KCNJ12: variants seen among roughly 807,000 people sequenced by gnomAD.
KCNJ12 encodes potassium inwardly rectifying channel subfamily J member 12.
A neutral mutation model predicts 22.3 loss-of-function variants in KCNJ12; 2 were observed. The ratio of observed to expected loss-of-function variants is 0.09; its 90% CI spans 0.04 to 0.28. The LOEUF is 0.28. Among genes scored for constraint, KCNJ12 ranks in the 10% least tolerant of loss-of-function variants. KCNJ12 has a pLI of 1.00. For missense variants in KCNJ12, 155 were observed against 633.3 expected (o/e 0.24, Z 8.11); for synonymous variants, 117 against 261.4 (o/e 0.45, Z 5.33).
At chr17:21,383,558 T>C (rs1421614819) in intron 1 of KCNJ12, among the ~76,000 whole-genome samples, 7 of 152,168 alleles carry the variant, frequency 4.6e-5, no homozygotes, top group Non-Finnish European at 1.0e-4. Context: ...TCTGACAGTC[T>C]TGGGTCTTGT....
intron 1 of KCNJ12, among the ~76,000 whole-genome samples, chr17:21,382,250 T>C (rs1904893631): frequency 6.6e-6 from 1 of 152,364 alleles, no homozygotes; most frequent in African/African-American, 2.4e-5. Flanking sequence ...TGATTCCTTC[T>C]GAGGATCACA....
chr17:21,415,672 T>C lies in KCNJ12; in HGVS notation c.330T>C (p.Gly110=). ...TCTGGGTCATCGCGGTGGCACACGG[T>C]GACCTGGAGCCGGCTGAGGGCCGGG... ...IIFWVIAVAH[G]DLEPAEGRGR... is the part of the protein sequence containing the mutation. The change falls in exon 3 of 3, where the codon GGT becomes GGC. Residue 110 remains glycine, a synonymous_variant. Transcript: ENST00000583088. 22 of 1,613,282 alleles carry C rather than the reference T, an allele frequency of 1.4e-5. No homozygotes were observed. Among genetic ancestry groups the C allele is most frequent in the Non-Finnish European group, 1.8e-5 (21 of 1,179,926 alleles).
chr17:21,412,044 G>T (rs1443877771), intron 2 of KCNJ12, among the ~76,000 whole-genome samples: 1 of 150,934 alleles, frequency 6.6e-6, no homozygotes, highest in Non-Finnish European at 1.5e-5. Context: ...ACACACACAC[G>T]CACACACGGC....
At chr17:21,386,627 T>A (rs1321797414) in intron 1 of KCNJ12, among the ~76,000 whole-genome samples, 1 of 152,056 alleles carries the variant, frequency 6.6e-6, no homozygotes, top group Non-Finnish European at 1.5e-5. Context: ...CCTGCCTCAG[T>A]CTCCTGAGTT....
intron 1 of KCNJ12, among the ~76,000 whole-genome samples, chr17:21,407,557 C>G (rs1360569211): frequency 6.6e-6 from 1 of 151,332 alleles, no homozygotes; most frequent in East Asian, 2.0e-4. Flanking sequence ...TCTATCCATC[C>G]ATCCACCCAC....
At chr17:21,386,699 G>C (rs528615816) in intron 1 of KCNJ12, among the ~76,000 whole-genome samples, 1 of 152,054 alleles carries the variant, frequency 6.6e-6, no homozygotes, top group South Asian at 2.1e-4. Flanking sequence ...GTAGAGATGG[G>C]GTTTCACCAT....
intron 1 of KCNJ12, among the ~76,000 whole-genome samples, chr17:21,378,357 C>A (rs552141584): frequency 4.0e-4 from 61 of 152,300 alleles, no homozygotes; most frequent in African/African-American, 1.4e-3. Flanking sequence ...TGAGAAGAGC[C>A]CCTCAGTGTC....
intron 1 of KCNJ12, among the ~76,000 whole-genome samples, chr17:21,393,565 C>T (rs542718191): frequency 1.6e-4 from 25 of 152,226 alleles, no homozygotes; most frequent in Admixed American, 5.9e-4. Flanking sequence ...CCCCCCCGTG[C>T]GGGTTGAGCT....
intron 1 of KCNJ12, among the ~76,000 whole-genome samples, chr17:21,386,973 T>C (rs935021995): frequency 6.6e-6 from 1 of 152,232 alleles, no homozygotes; most frequent in Non-Finnish European, 1.5e-5. Flanking sequence ...CCACTACTCA[T>C]GGCCAACCCA....
chr17:21,387,789 A>T (rs1246033232), intron 1 of KCNJ12, among the ~76,000 whole-genome samples: 1 of 152,154 alleles, frequency 6.6e-6, no homozygotes, highest in African/African-American at 2.4e-5. Flanking sequence ...GCTGTCAGTG[A>T]TGTAATGCTG....
intron 2 of KCNJ12, among the ~76,000 whole-genome samples, chr17:21,412,072 G>T (rs1463098069): frequency 6.6e-6 from 1 of 152,306 alleles, no homozygotes; most frequent in Non-Finnish European, 1.5e-5. Flanking sequence ...GGCTGTGTGA[G>T]GCTGAGGACT....
Position 21,418,799 on chromosome 17 carries a change from T to G in KCNJ12, c.*2155T>G, listed in dbSNP as rs1331680665. ...AGAGCTTGACACTTCGCCTCCCTGA[T>G]GGCCATGCTGAGGGACAGTGGTGAC... On this transcript the variant is annotated 3_prime_UTR_variant, in exon 3 of 3. Coordinates refer to ENST00000583088, the MANE Select transcript of KCNJ12 (RefSeq NM_021012.5). 2 of 167,284 alleles carry G rather than the reference T, an allele frequency of 1.2e-5. No individual in the cohort carries two copies. The highest frequency in any genetic ancestry group is 2.9e-5 in the Non-Finnish European group (2 of 68,394). The allele number at this position is 167,284 out of a possible 1,614,324, so 10.4% of individuals were successfully genotyped here.
chr17:21,412,044 G>A (rs1443877771), intron 2 of KCNJ12, among the ~76,000 whole-genome samples: 8 of 150,924 alleles, frequency 5.3e-5, no homozygotes, highest in African/African-American at 9.9e-5. Context: ...ACACACACAC[G>A]CACACACGGC....
intron 1 of KCNJ12, among the ~76,000 whole-genome samples, chr17:21,385,035 A>C (rs1905030266): frequency 6.6e-6 from 1 of 151,900 alleles, no homozygotes; most frequent in Admixed American, 6.6e-5. Context: ...TCAGCCTCCC[A>C]AAGTGCTGGG....
At chr17:21,396,754 C>T (rs1225067385) in intron 1 of KCNJ12, among the ~76,000 whole-genome samples, 1 of 152,226 alleles carries the variant, frequency 6.6e-6, no homozygotes, top group Non-Finnish European at 1.5e-5. Flanking sequence ...CAGAGCCGGC[C>T]AAGCTGGGCC....
intron 1 of KCNJ12, among the ~76,000 whole-genome samples, chr17:21,396,530 G>A (rs782185074): frequency 3.3e-5 from 5 of 152,204 alleles, no homozygotes; most frequent in Non-Finnish European, 7.3e-5. Context: ...AGACATCCCC[G>A]TGCCTGGCCG....
At chr17:21,397,423 C>T (rs1456488478) in intron 1 of KCNJ12, among the ~76,000 whole-genome samples, 2 of 152,194 alleles carry the variant, frequency 1.3e-5, no homozygotes, top group Admixed American at 1.3e-4. Context: ...GGATCACCGG[C>T]GGTTTCATCC....
At chr17:21,398,776 G>A (rs1162448849) in intron 1 of KCNJ12, among the ~76,000 whole-genome samples, 2 of 152,270 alleles carry the variant, frequency 1.3e-5, no homozygotes, top group African/African-American at 4.8e-5. Flanking sequence ...CATGTGACAT[G>A]TTGCCAGCAA....
rs374462571 is a variant in KCNJ12 at position 21,388,864 on chromosome 17, G to GC, written c.-179+11959dup. Among the ~76,000 whole-genome samples, 248 of 151,892 alleles carry GC rather than the reference G, an allele frequency of 1.6e-3. 3 individuals carry two copies. The highest frequency in any genetic ancestry group is 0.012 in the Admixed American group (187 of 15,268). On this transcript the variant is annotated intron_variant, in intron 1 of 2. Coordinates refer to ENST00000583088, the MANE Select transcript of KCNJ12 (RefSeq NM_021012.5). ...GGTTCTCTAAAGAAGGCCCCGCTGG[G>GC]CCCCCCCCGAGGGAAGGTAGAGACA... is the stretch of plus-strand genomic sequence containing the variant.
Sources: allele counts gnomAD v4.1 joint callset (sites outside exome capture counted in the v4.1 genomes callset), GRCh38; gene constraint gnomAD v4.1.1; transcripts MANE v1.5; gene names NCBI Gene and HGNC (gene_info 2026-07-23, HGNC 2026-07-21).